Variants in TENM2 observed in about 807,000 individuals in gnomAD.
The protein encoded by TENM2 is teneurin-2.
TENM2 carries 52 observed loss-of-function variants against 245.2 expected under a neutral mutation model. That is an observed-to-expected ratio of 0.21 (90% CI 0.17 to 0.27). The LOEUF (loss-of-function observed/expected upper bound fraction) is 0.27, where lower values mean the gene tolerates loss of function less well. Among genes scored for constraint, TENM2 ranks in the 10% least tolerant of loss-of-function variants. TENM2 has a pLI of 1.00. For missense variants in TENM2, 3,046 were observed against 3,666.8 expected (o/e 0.83, Z 4.37); for synonymous variants, 1,363 against 1,438.9 (o/e 0.95, Z 1.19).
chr5:167,175,856 C>T, the TENM2 span, among the ~76,000 whole-genome samples: 1 of 152,130 alleles, frequency 6.6e-6, no homozygotes, highest in African/African-American at 2.4e-5. Context: ...ATTACAGGCG[C>T]GTGCCGTGAC....
At chr5:167,928,766 C>T (rs937757090) in intron 3 of TENM2, among the ~76,000 whole-genome samples, 6 of 150,684 alleles carry the variant, frequency 4.0e-5, no homozygotes, top group Admixed American at 6.6e-5. Context: ...TGTGGTGGTG[C>T]GTGCCTGTAG....
the TENM2 span, among the ~76,000 whole-genome samples, chr5:167,274,203 G>A: frequency 6.6e-6 from 1 of 152,080 alleles, no homozygotes; most frequent in East Asian, 1.9e-4. Context: ...CTGTCCTCTA[G>A]TTCTATAATT....
intron 3 of TENM2, among the ~76,000 whole-genome samples, chr5:167,945,819 A>G (rs902831324): frequency 3.9e-5 from 6 of 152,132 alleles, no homozygotes; most frequent in African/African-American, 1.4e-4. Flanking sequence ...GCTTCCTTCA[A>G]GGACAGCCCC....
the TENM2 span, among the ~76,000 whole-genome samples, chr5:167,130,141 A>G: frequency 3.9e-5 from 6 of 152,366 alleles, no homozygotes; most frequent in South Asian, 8.3e-4. Context: ...ACTAAATTCA[A>G]TGGCTTGGGC....
chr5:167,494,743 T>C (rs1582201251), intron 2 of TENM2, among the ~76,000 whole-genome samples: 1 of 152,136 alleles, frequency 6.6e-6, no homozygotes, highest in Non-Finnish European at 1.5e-5. Context: ...GAATATTCTT[T>C]TTAAAAATCC....
At chr5:167,513,882 A>G (rs1418753524) in intron 2 of TENM2, among the ~76,000 whole-genome samples, 2 of 152,164 alleles carry the variant, frequency 1.3e-5, no homozygotes, top group Non-Finnish European at 2.9e-5. Context: ...CTAAGACCCC[A>G]TTCTCCTGGG....
intron 2 of TENM2, among the ~76,000 whole-genome samples, chr5:167,561,697 T>C (rs868192800): frequency 6.6e-5 from 10 of 152,222 alleles, no homozygotes; most frequent in South Asian, 6.2e-4. Context: ...TTATTCCTGC[T>C]GTGAATAGAT....
At chr5:167,265,444 A>C in the TENM2 span, among the ~76,000 whole-genome samples, 1 of 152,158 alleles carries the variant, frequency 6.6e-6, no homozygotes, top group South Asian at 2.1e-4. Context: ...GGCATCATCA[A>C]ATAATTTTAC....
intron 1 of TENM2, among the ~76,000 whole-genome samples, chr5:167,343,517 A>G (rs951168281): frequency 1.3e-5 from 2 of 152,164 alleles, no homozygotes; most frequent in Non-Finnish European, 2.9e-5. Context: ...TTGCCTCCAG[A>G]TATTTTGCTT....
intron 2 of TENM2, among the ~76,000 whole-genome samples, chr5:167,428,405 T>C (rs1432772010): frequency 6.6e-6 from 1 of 152,212 alleles, no homozygotes; most frequent in East Asian, 1.9e-4. Flanking sequence ...TGTGTTTTTT[T>C]AAAAATAACA....
chr5:167,804,947 A>C (rs1766041251), intron 2 of TENM2, among the ~76,000 whole-genome samples: 1 of 152,160 alleles, frequency 6.6e-6, no homozygotes, highest in Non-Finnish European at 1.5e-5. Context: ...TTTTTTAACC[A>C]CACCAGTATT....
intron 9 of TENM2, among the ~76,000 whole-genome samples, chr5:168,112,744 G>T (rs1794781400): frequency 6.6e-6 from 1 of 152,032 alleles, no homozygotes; most frequent in Non-Finnish European, 1.5e-5. Flanking sequence ...AGCCAGTGGG[G>T]TTGCCTTTTG....
intron 2 of TENM2, among the ~76,000 whole-genome samples, chr5:167,488,989 T>C (rs1480738343): frequency 1.3e-5 from 2 of 152,174 alleles, no homozygotes; most frequent in Non-Finnish European, 2.9e-5. Context: ...CTCTCCGTTA[T>C]TATGTTTTAG....
chr5:167,655,457 C>G (rs1754778934), intron 2 of TENM2, among the ~76,000 whole-genome samples: 1 of 152,206 alleles, frequency 6.6e-6, no homozygotes, highest in South Asian at 2.1e-4. Context: ...CCTACCAACA[C>G]TGTATACAAA....
chr5:167,414,232 A>G (rs1190662906), intron 2 of TENM2, among the ~76,000 whole-genome samples: 1 of 152,174 alleles, frequency 6.6e-6, no homozygotes, highest in African/African-American at 2.4e-5. Context: ...GATAAAGGCA[A>G]TTACATGGAA....
At chr5:167,424,664 C>G (rs185345326) in intron 2 of TENM2, among the ~76,000 whole-genome samples, 5 of 152,064 alleles carry the variant, frequency 3.3e-5, no homozygotes, top group African/African-American at 1.2e-4. Context: ...TTAATATTCC[C>G]CCCAGAAATG....
rs1429053570 is a variant in TENM2, at chr5:167,801,106, AAAAATATATAT to A, written c.503-74878_503-74868del. 5.9e-4 allele frequency among the ~76,000 whole-genome samples: 38 copies of A among 64,808 alleles called. 1 individual carries two copies. The highest frequency in any genetic ancestry group is 1.7e-3 in the African/African-American group (25 of 14,496). The allele number at this position is 64,808 out of a possible 152,430, so 42.5% of individuals were successfully genotyped here. A position where few individuals can be genotyped will look rare whatever the true frequency, so the allele number is the denominator to read the frequency against. On this transcript the variant is annotated intron_variant, in intron 2 of 28. Coordinates refer to ENST00000518659, the Ensembl canonical transcript of TENM2. ...AATGTATTTGAAAAGAAAAAAAAAA[AAAAATATATAT>A]ATATATATATATATATATATATATA...
chr5:167,944,681 G>T (rs1779467964), intron 3 of TENM2, among the ~76,000 whole-genome samples: 1 of 152,236 alleles, frequency 6.6e-6, no homozygotes, highest in African/African-American at 2.4e-5. Context: ...GAGGGAGGAA[G>T]GGACTGGGCC....
intron 12 of TENM2, among the ~76,000 whole-genome samples, chr5:168,155,068 TCCAGAGA>T (rs1175721808): frequency 1.3e-5 from 2 of 152,200 alleles, no homozygotes; most frequent in Admixed American, 1.3e-4. Context: ...CCTGCCGTTT[TCCAGAGA>T]CCAGAGACCA....
Sources: gnomAD v4.1 joint callset for allele counts (sites outside exome capture counted in the v4.1 genomes callset) on GRCh38, gnomAD v4.1.1 for gene constraint, MANE v1.5 for transcripts, NCBI Gene and HGNC (gene_info 2026-07-23, HGNC 2026-07-21) for gene names.